PSPC1: variants seen among roughly 807,000 people sequenced by gnomAD.
PSPC1 encodes the protein paraspeckle protein 1.
A neutral mutation model predicts 51.6 loss-of-function variants in PSPC1; 14 were observed. The observed-to-expected ratio is 0.27, with a 90% CI of 0.18 to 0.42. The LOEUF (loss-of-function observed/expected upper bound fraction) is 0.42. Ranked by LOEUF, PSPC1 falls within the 10% of genes least tolerant of loss-of-function variation. The probability of loss-of-function intolerance (pLI) is 1.00; values close to 1 mark genes in which losing one functional copy is unlikely to be tolerated. For synonymous variants in PSPC1, 193 were observed against 231.9 expected, an observed-to-expected ratio of 0.83 and a Z score of 1.53; for missense variants, 406 against 701.1, an observed-to-expected ratio of 0.58 and a Z score of 4.75.
chr13:19,724,127 ATCT>A (rs1398403770), intron 6 of PSPC1, among the ~76,000 whole-genome samples: 5 of 152,336 alleles, frequency 3.3e-5, no homozygotes, highest in Non-Finnish European at 5.9e-5. Context: ...CAAAAAACAA[ATCT>A]TCTTAAGCAA....
intron 6 of PSPC1, among the ~76,000 whole-genome samples, chr13:19,723,618 T>A (rs1883036874): frequency 6.6e-6 from 1 of 152,174 alleles, no homozygotes; most frequent in Non-Finnish European, 1.5e-5. Context: ...ATCAAATAAC[T>A]CAACACCTGG....
chr13:19,710,922 C>T (rs759702569), intron 6 of PSPC1, among the ~76,000 whole-genome samples: 5 of 152,010 alleles, frequency 3.3e-5, no homozygotes, highest in East Asian at 3.9e-4. Flanking sequence ...ACTGCAGCCT[C>T]GAACTCCTGG....
intron 4 of PSPC1, among the ~76,000 whole-genome samples, chr13:19,742,439 A>C (rs557683973): frequency 6.6e-6 from 1 of 152,016 alleles, no homozygotes; most frequent in South Asian, 2.1e-4. Flanking sequence ...CCCTGTCTAC[A>C]AAAAATACAA....
rs537868392 is a variant in PSPC1 at position 19,723,838 on chromosome 13, AC to A, written c.1158+6400del. On this transcript the variant is annotated intron_variant, in intron 6 of 8. Coordinates refer to ENST00000338910, the MANE Select transcript of PSPC1 (RefSeq NM_001354909.2). ...AAATTATTTTAATGAATAAGTAAAA[AC>A]ATTAACAACCGAAACTAGTCACAAC... Among the ~76,000 whole-genome samples the A allele has an allele frequency of 3.9e-5, 6 of 152,372 alleles. No individual in the cohort carries two copies. The South Asian group carries it at 1.0e-3, about 26-fold the overall frequency.
At chr13:19,779,966 T>G (rs1306188008) in intron 1 of PSPC1, among the ~76,000 whole-genome samples, 13 of 98,376 alleles carry the variant, frequency 1.3e-4, no homozygotes, top group Non-Finnish European at 2.1e-4. Flanking sequence ...GGTGGGGGGG[T>G]CGGCCCCCCG....
At chr13:19,772,763 T>A (rs1451932905) in intron 1 of PSPC1, among the ~76,000 whole-genome samples, 1 of 152,240 alleles carries the variant, frequency 6.6e-6, no homozygotes, top group Non-Finnish European at 1.5e-5. Flanking sequence ...TTGTTAAAAG[T>A]AATCATTTAA....
In PSPC1 at chr13:19,769,050, T is replaced by C. The variant is rs550285414; in HGVS notation, c.674+3192A>G. On this transcript the variant is annotated intron_variant, in intron 2 of 8. Transcript: ENST00000338910. Reference sequence around the variant, plus strand: ...AGCTACTCAGGAGGCTGAGGCACAATAATCACTTGAACTCGGGAGGCAGAG... The same window carrying C: ...AGCTACTCAGGAGGCTGAGGCACAACAATCACTTGAACTCGGGAGGCAGAG... Among the ~76,000 whole-genome samples the C allele has an allele frequency of 4.0e-5, 6 of 148,344 alleles. No homozygotes were observed. In the South Asian group the frequency reaches 1.3e-3, roughly 32 times the overall value.
At chr13:19,693,979 C>T (rs1878871324) in intron 6 of PSPC1, among the ~76,000 whole-genome samples, 2 of 151,620 alleles carry the variant, frequency 1.3e-5, no homozygotes, top group South Asian at 2.1e-4. Flanking sequence ...AAAAATTAGC[C>T]GGGTGTGGTG....
intron 6 of PSPC1, among the ~76,000 whole-genome samples, chr13:19,692,209 C>T (rs113257534): frequency 3.6e-4 from 55 of 152,188 alleles, no homozygotes; most frequent in African/African-American, 1.3e-3. Context: ...CTGCAACCTC[C>T]GCCTCCCAGG....
At chr13:19,717,830 C>T (rs1241540049) in intron 6 of PSPC1, among the ~76,000 whole-genome samples, 1 of 150,796 alleles carries the variant, frequency 6.6e-6, no homozygotes, top group Non-Finnish European at 1.5e-5. Context: ...GAGCTGAGAT[C>T]GTGCCACTGC....
At chr13:19,681,754 A>G (rs1436796268) in intron 6 of PSPC1, among the ~76,000 whole-genome samples, 1 of 152,224 alleles carries the variant, frequency 6.6e-6, no homozygotes, top group African/African-American at 2.4e-5. Flanking sequence ...GAAATCTTAT[A>G]CCGAGGAGTG....
chr13:19,749,797 A>C (rs1334377118), intron 4 of PSPC1, among the ~76,000 whole-genome samples: 1 of 152,014 alleles, frequency 6.6e-6, no homozygotes, highest in African/African-American at 2.4e-5. Context: ...ACATCTGGCT[A>C]ATGACAGTTT....
chr13:19,710,188 C>G (rs1163855136), intron 6 of PSPC1, among the ~76,000 whole-genome samples: 1 of 152,122 alleles, frequency 6.6e-6, no homozygotes, highest in Non-Finnish European at 1.5e-5. Context: ...ACTGAAAGCT[C>G]GACATAACAT....
chr13:19,675,045 C>A (rs923513964), intron 7 of PSPC1: 1 of 152,664 alleles, frequency 6.6e-6, no homozygotes, highest in African/African-American at 2.4e-5. Flanking sequence ...GAAACAAGAT[C>A]AAGGACTCAT....
intron 6 of PSPC1, among the ~76,000 whole-genome samples, chr13:19,691,029 AGACT>A (rs1477969176): frequency 6.6e-6 from 1 of 152,344 alleles, no homozygotes; most frequent in Non-Finnish European, 1.5e-5. Context: ...TTATATGCAC[AGACT>A]GAGACAAAAA....
At chr13:19,691,106 G>T (rs1878485344) in intron 6 of PSPC1, among the ~76,000 whole-genome samples, 1 of 152,038 alleles carries the variant, frequency 6.6e-6, no homozygotes, top group Non-Finnish European at 1.5e-5. Flanking sequence ...CACTTTAATT[G>T]GTACTAAAAA....
intron 1 of PSPC1, among the ~76,000 whole-genome samples, chr13:19,778,191 A>G (rs1889380740): frequency 6.6e-6 from 1 of 151,928 alleles, no homozygotes; most frequent in African/African-American, 2.4e-5. Flanking sequence ...GCAGTGAACC[A>G]AGATCCCGCC....
chr13:19,769,277 C>T (rs900318916), intron 2 of PSPC1, among the ~76,000 whole-genome samples: 2 of 151,212 alleles, frequency 1.3e-5, no homozygotes, highest in Admixed American at 6.6e-5. Context: ...GTCTAACGGC[C>T]GGGCGCAGTG....
chr13:19,697,524 G>T (rs1046666030), downstream of PSPC1, among the ~76,000 whole-genome samples: 8 of 152,126 alleles, frequency 5.3e-5, no homozygotes, highest in Non-Finnish European at 7.4e-5. Context: ...ACTAAGAAAA[G>T]TTTTTGTAGA....
Sources: gnomAD v4.1 joint callset for allele counts (sites outside exome capture counted in the v4.1 genomes callset) on GRCh38, gnomAD v4.1.1 for gene constraint, MANE v1.5 for transcripts, NCBI Gene and HGNC (gene_info 2026-07-23, HGNC 2026-07-21) for gene names.